The following DEFB110 variants were observed in gnomAD, a reference collection of about 807,000 sequenced individuals.
DEFB110 encodes the protein beta-defensin 110.
In DEFB110, 4 loss-of-function variants were observed where a neutral mutation model predicts 2.5. That is an observed-to-expected ratio of 1.60 (90% CI 0.79 to 3.66). The LOEUF is 3.66. DEFB110 is among the 30% of genes most tolerant of loss of function. DEFB110 has a pLI of 0.01. For synonymous variants in DEFB110, 29 were observed against 21.8 expected (o/e 1.33, Z -0.92); for missense variants, 94 against 75.4 (o/e 1.25, Z -0.91).
Position 50,021,930 on chromosome 6 carries a change from C to A in DEFB110, c.6G>T (p.Lys2Asn). The change falls in exon 1 of 2, where the codon AAG (lysine) becomes AAT (asparagine). Residue 2 changes from lysine to asparagine, a missense_variant. Lys to Asn is a moderately conservative substitution (Grantham distance 94, BLOSUM62 0). Coordinates refer to ENST00000371148, the MANE Select transcript of DEFB110 (RefSeq NM_001037497.2). ...GCAGAATAAAGAAAAAAAGTTGAAT[C>A]TTCATGGTAGAGAGTTTCTTAAAAA... M[K>N]IQLFFFILHF... 1 of 1,557,694 alleles carries A rather than the reference C, an allele frequency of 6.4e-7. No individual in the cohort carries two copies.
intron 1 of DEFB110, among the ~76,000 whole-genome samples, chr6:50,019,577 C>T (rs1774383181): frequency 6.6e-6 from 1 of 151,962 alleles, no homozygotes; most frequent in African/African-American, 2.4e-5. Flanking sequence ...CTAGGCAACG[C>T]TAGTGAATTT....
chr6:50,020,563 G>T (rs1009450979), intron 1 of DEFB110, among the ~76,000 whole-genome samples: 2 of 152,018 alleles, frequency 1.3e-5, no homozygotes, highest in African/African-American at 2.4e-5. Context: ...CTTCTCAAAG[G>T]CCAGGCCTTT....
exon 2 of DEFB110, chr6:50,009,270 G>A: frequency 6.3e-7 from 1 of 1,589,246 alleles, no homozygotes; most frequent in Non-Finnish European, 8.5e-7. Flanking sequence ...AATTGCTTCT[G>A]GCTGCAATCA....
chr6:50,019,159 T>C, intron 1 of DEFB110, 34 bp from the exon 2 acceptor site: 1 of 1,602,520 alleles, frequency 6.2e-7, no homozygotes, highest in Non-Finnish European at 8.5e-7. Context: ...AAATTAGCCA[T>C]CTAGCTATGA....
Position 50,011,360 on chromosome 6 carries a change from G to A in DEFB110, c.56-2089C>T, listed in dbSNP as rs538855797. Among the ~76,000 whole-genome samples the A allele has an allele frequency of 7.2e-5, 11 of 151,894 alleles. No homozygotes were observed. In the East Asian group the frequency reaches 7.7e-4, roughly 11 times the overall value. Reference sequence around the variant, plus strand: ...ATCTCTTTCACTCACTTATATTTCCGCACATTTTGTACATCACTGGAGAAA... The same window carrying A: ...ATCTCTTTCACTCACTTATATTTCCACACATTTTGTACATCACTGGAGAAA... On this transcript the variant is annotated intron_variant, in intron 1 of 1. Coordinates refer to the DEFB110 transcript ENST00000393660.
At chr6:50,017,664 C>T (rs369861646), downstream of DEFB110, among the ~76,000 whole-genome samples, 2 of 151,460 alleles carry the variant, frequency 1.3e-5, no homozygotes, top group East Asian at 3.9e-4. Flanking sequence ...TGCAAGAAAA[C>T]ACACTGAACA....
chr6:50,015,612 C>T (rs1158945864), downstream of DEFB110, among the ~76,000 whole-genome samples: 1 of 151,768 alleles, frequency 6.6e-6, no homozygotes, highest in Non-Finnish European at 1.5e-5. Flanking sequence ...CTACACTCTA[C>T]TTTGTTTCCT....
Position 50,018,918 on chromosome 6 carries a change from AAAAC to A in DEFB110, c.*55_*58del. The A allele has an allele frequency of 1.3e-6, 2 of 1,547,870 alleles. No homozygotes were observed. Among genetic ancestry groups the A allele is most frequent in the Non-Finnish European group, 1.7e-6 (2 of 1,151,982 alleles). ...CACACGCCTTGAAGGATGTGCTGGG[AAAAC>A]TTAATAACGCTGGTCTCTCTTCTTG... On this transcript the variant is annotated 3_prime_UTR_variant, in exon 2 of 2. Coordinates refer to ENST00000371148, the MANE Select transcript of DEFB110 (RefSeq NM_001037497.2).
chr6:50,017,522 T>C (rs903245057), downstream of DEFB110, among the ~76,000 whole-genome samples: 3 of 151,872 alleles, frequency 2.0e-5, no homozygotes, highest in African/African-American at 7.2e-5. Context: ...GAGTTAAGGA[T>C]GCTGAAAAAC....
chr6:50,012,812 G>A (rs568382419), intron 1 of DEFB110, among the ~76,000 whole-genome samples: 4 of 151,792 alleles, frequency 2.6e-5, no homozygotes, highest in Admixed American at 6.6e-5. Context: ...GATAGGTGGG[G>A]ACAAAGATAA....
intron 1 of DEFB110, among the ~76,000 whole-genome samples, chr6:50,013,158 C>G (rs576209627): frequency 1.3e-5 from 2 of 151,916 alleles, no homozygotes; most frequent in East Asian, 3.9e-4. Flanking sequence ...TTGAATTCAA[C>G]TCTTCCTAAG....
chr6:50,019,152 T>G, intron 1 of DEFB110, 27 bp from the exon 2 acceptor site: 1 of 1,607,000 alleles, frequency 6.2e-7, no homozygotes, highest in Non-Finnish European at 8.5e-7. Flanking sequence ...ATGACTAAAA[T>G]TAGCCATCTA....
chr6:50,015,813 G>C (rs1039291471), downstream of DEFB110, among the ~76,000 whole-genome samples: 25 of 151,716 alleles, frequency 1.6e-4, no homozygotes, highest in African/African-American at 5.8e-4. Context: ...GATATTTATT[G>C]AATTGGTAAA....
chr6:50,015,385 C>T (rs192132980), downstream of DEFB110, among the ~76,000 whole-genome samples: 1 of 151,864 alleles, frequency 6.6e-6, no homozygotes, highest in African/African-American at 2.4e-5. Context: ...TTTTCTAGCT[C>T]CTAAAAATCC....
chr6:50,018,838 A>C, downstream of DEFB110: 3 of 1,356,124 alleles, frequency 2.2e-6, no homozygotes, highest in Non-Finnish European at 2.8e-6. Flanking sequence ...ACATATGATC[A>C]CTTCTGAATG....
At chr6:50,013,485 T>C (rs532077896) in intron 1 of DEFB110, among the ~76,000 whole-genome samples, 5 of 151,686 alleles carry the variant, frequency 3.3e-5, no homozygotes, top group African/African-American at 1.2e-4. Context: ...AGCTAAGGAG[T>C]TGAATATTAT....
At chr6:50,016,385 T>C (rs1774315919), downstream of DEFB110, among the ~76,000 whole-genome samples, 1 of 151,832 alleles carries the variant, frequency 6.6e-6, no homozygotes, top group Admixed American at 6.6e-5. Flanking sequence ...ATACATAGTG[T>C]CATGAAAATT....
At chr6:50,014,018 TAGG>T (rs1774274309), downstream of DEFB110, among the ~76,000 whole-genome samples, 1 of 151,752 alleles carries the variant, frequency 6.6e-6, no homozygotes, top group African/African-American at 2.4e-5. Context: ...AAAGACTTGA[TAGG>T]AGAAGTCATT....
downstream of DEFB110, among the ~76,000 whole-genome samples, chr6:50,015,799 AATAG>A (rs1774305472): frequency 9.2e-5 from 14 of 151,940 alleles, no homozygotes; most frequent in South Asian, 2.7e-3. Flanking sequence ...GTAGCTGTTC[AATAG>A]ATATTTATTG....
Sources: allele counts gnomAD v4.1 joint callset (sites outside exome capture counted in the v4.1 genomes callset), GRCh38; gene constraint gnomAD v4.1.1; transcripts MANE v1.5; gene names NCBI Gene and HGNC (gene_info 2026-07-23, HGNC 2026-07-21).